The following ANKRD62 variants were observed in gnomAD, a reference collection of about 807,000 sequenced individuals.
The protein encoded by ANKRD62 is ankyrin repeat domain 62, also known as ankyrin repeat domain-containing protein 62.
A neutral mutation model predicts 98.8 loss-of-function variants in ANKRD62; 61 were observed. The observed-to-expected ratio is 0.62, with a 90% CI of 0.50 to 0.76. The LOEUF is 0.76. ANKRD62 is among the 30% of genes least tolerant of loss of function. The probability of loss-of-function intolerance (pLI) is 0.00; values close to 1 mark genes in which losing one functional copy is unlikely to be tolerated. For missense variants in ANKRD62, 933 were observed against 1,082.9 expected (o/e 0.86, Z 1.94); for synonymous variants, 341 against 367.9 (o/e 0.93, Z 0.84).
downstream of ANKRD62, among the ~76,000 whole-genome samples, chr18:12,133,227 A>G (rs1226436011): frequency 1.3e-5 from 2 of 152,162 alleles, no homozygotes; most frequent in Non-Finnish European, 1.5e-5. Context: ...AGGCTCATCT[A>G]TATCATACAG....
chr18:12,125,722 T>A lies in ANKRD62; in HGVS notation c.1901T>A (p.Met634Lys). 6.5e-7 allele frequency: 1 copy of A among 1,542,722 alleles called. No homozygotes were observed. Among genetic ancestry groups the A allele is most frequent in the Non-Finnish European group, 8.7e-7 (1 of 1,146,898 alleles). The change falls in exon 13 of 14, where the codon ATG (methionine) becomes AAG (lysine). Residue 634 changes from methionine to lysine, a missense_variant. Transcript: ENST00000587848. ...ELNVLMDENTMLNSELQKEKQ... is the reference protein window; with the variant it reads ...ELNVLMDENTKLNSELQKEKQ... ...AATGTTCTGATGGATGAGAATACAA[T>A]GCTCAATTCTGAGCTACAGAAGGAA...
At chr18:12,104,199 CAAAGT>C (rs1054776571) in intron 7 of ANKRD62, among the ~76,000 whole-genome samples, 4 of 152,024 alleles carry the variant, frequency 2.6e-5, no homozygotes, top group African/African-American at 9.7e-5. Flanking sequence ...CAGACACTGT[CAAAGT>C]AAAGTTTGAT....
In ANKRD62 at chr18:12,126,367, A is replaced by C; in HGVS notation, c.2546A>C (p.Glu849Ala). 2 of 1,507,234 alleles carry C rather than the reference A, an allele frequency of 1.3e-6. No individual in the cohort carries two copies. The highest frequency in any genetic ancestry group is 8.8e-7 in the Non-Finnish European group (1 of 1,136,422). 93.4% of individuals were successfully genotyped at this position (1,507,234 alleles called of 1,614,324 possible). The stretch of plus-strand genomic sequence containing the variant: ...GAAAGACAATGCCAATATGAAAAAG[A>C]GAAAGAAGAAAGAGAAGTAAGTATC... Reference protein sequence around the residue: ...LKERQCQYEKEKEEREVVRRQ... With the variant: ...LKERQCQYEKAKEEREVVRRQ... Residue 849 changes from glutamate to alanine, a missense_variant, in exon 13 of 14, where the codon GAG (glutamate) becomes GCG (alanine). Around this residue, in one of 3 missense-constraint regions of ANKRD62, gnomAD observed 362 missense variants for 434.5 expected, o/e 0.83. Transcript: ENST00000587848.
chr18:12,107,491 A>T, intron 8 of ANKRD62, 24 bp downstream of exon 8: 5 of 1,451,712 alleles, frequency 3.4e-6, no homozygotes, highest in Non-Finnish European at 3.6e-6. Context: ...GATAGTTAAC[A>T]GCGGATCACT....
intron 8 of ANKRD62, among the ~76,000 whole-genome samples, chr18:12,112,829 A>G (rs922384696): frequency 1.3e-5 from 2 of 152,242 alleles, no homozygotes; most frequent in Non-Finnish European, 2.9e-5. Context: ...AAGGTCTGAT[A>G]TCTAACATCT....
Position 12,122,328 on chromosome 18 carries a change from GA to G in ANKRD62, c.1268del (p.Asn423MetfsTer10). The G allele has an allele frequency of 6.5e-7, 1 of 1,534,964 alleles. No individual in the cohort carries two copies. The highest frequency in any genetic ancestry group is 8.7e-7 in the Non-Finnish European group (1 of 1,146,556). ...KDFVSLSKSK[N>X]ATAACGRSIE... is the part of the protein sequence containing the mutation. ...ATTTTGTTAGCCTATCGAAAAGCAA[GA>G]ATGCAACAGCTGCATGTGGAAGATC... On this transcript the variant is annotated frameshift_variant, in exon 11 of 14. Transcript: ENST00000587848. LOFTEE classifies it high-confidence loss of function.
chr18:12,114,872 T>C (rs1486234954), intron 8 of ANKRD62, among the ~76,000 whole-genome samples: 1 of 152,112 alleles, frequency 6.6e-6, no homozygotes, highest in Non-Finnish European at 1.5e-5. Context: ...TATTAATATA[T>C]TTCATTTGTC....
chr18:12,099,254 A>C (rs1350224277), intron 5 of ANKRD62, among the ~76,000 whole-genome samples: 2 of 152,208 alleles, frequency 1.3e-5, no homozygotes, highest in African/African-American at 2.4e-5. Context: ...TGGTTTCATT[A>C]AACATTTATA....
At chr18:12,139,243 T>G in the ANKRD62 span, among the ~76,000 whole-genome samples, 6 of 152,198 alleles carry the variant, frequency 3.9e-5, no homozygotes, top group African/African-American at 1.4e-4. Flanking sequence ...GGCCTGGTGG[T>G]GACAAAATCT....
intron 6 of ANKRD62, chr18:12,101,869 A>G: frequency 1.6e-6 from 1 of 625,198 alleles, no homozygotes; most frequent in Non-Finnish European, 2.9e-6. Flanking sequence ...TGTGATTAAG[A>G]GAAGAAGGCT....
chr18:12,168,322 G>A, the ANKRD62 span, among the ~76,000 whole-genome samples: 1 of 151,800 alleles, frequency 6.6e-6, no homozygotes, highest in East Asian at 1.9e-4. Context: ...TAAGGTGTAA[G>A]GAAGGGATCC....
the ANKRD62 span, among the ~76,000 whole-genome samples, chr18:12,156,099 T>C: frequency 6.8e-6 from 1 of 147,328 alleles, no homozygotes; most frequent in Non-Finnish European, 1.5e-5. Context: ...TCTCCCTCCC[T>C]TTCTCTCCTT....
chr18:12,133,327 C>T (rs115481137), downstream of ANKRD62, among the ~76,000 whole-genome samples: 846 of 152,154 alleles, frequency 5.6e-3, 4 homozygotes, highest in Non-Finnish European at 9.8e-3. Context: ...ATGGACATTT[C>T]GATTGTTTCC....
chr18:12,111,278 T>C (rs1328313046), intron 8 of ANKRD62, among the ~76,000 whole-genome samples: 1 of 151,732 alleles, frequency 6.6e-6, no homozygotes, highest in Non-Finnish European at 1.5e-5. Context: ...ATAAATGTAA[T>C]TAATCAAATA....
chr18:12,117,925 T>A (rs1239041765), intron 10 of ANKRD62, among the ~76,000 whole-genome samples: 1 of 152,184 alleles, frequency 6.6e-6, no homozygotes, highest in Non-Finnish European at 1.5e-5. Flanking sequence ...ATCAGACCAG[T>A]TTTATGTTCA....
rs1909848032 is a variant in ANKRD62 at position 12,124,499 on chromosome 18, C to G, written c.1638+179C>G. Among the ~76,000 whole-genome samples the G allele has an allele frequency of 2.0e-5, 3 of 151,998 alleles. No homozygotes were observed. The South Asian group carries it at 6.2e-4, about 32-fold the overall frequency. On this transcript the variant is annotated intron_variant, in intron 12 of 13. Transcript: ENST00000587848. ...TTGGCTTCAAAGTTATATTTTATTT[C>G]AGGTCAAAGACCTTTGGAAAACAAT...
chr18:12,163,882 T>A, the ANKRD62 span, among the ~76,000 whole-genome samples: 1 of 152,074 alleles, frequency 6.6e-6, no homozygotes, highest in African/African-American at 2.4e-5. Flanking sequence ...TCATGATGAA[T>A]GATTTTTTTA....
downstream of ANKRD62, among the ~76,000 whole-genome samples, chr18:12,133,840 ATTTTG>A (rs544864807): frequency 1.1e-3 from 173 of 152,176 alleles, no homozygotes; most frequent in African/African-American, 4.0e-3. Flanking sequence ...CTGTTTTAAA[ATTTTG>A]TTTTATCAGC....
At chr18:12,173,150 T>C in the ANKRD62 span, among the ~76,000 whole-genome samples, 1 of 152,162 alleles carries the variant, frequency 6.6e-6, no homozygotes, top group African/African-American at 2.4e-5. Flanking sequence ...GGTACCTCAG[T>C]TGGAAATGCA....
Sources: gnomAD v4.1 joint callset for allele counts (sites outside exome capture counted in the v4.1 genomes callset) on GRCh38, gnomAD v4.1.1 for gene constraint, gnomAD v4.1.1 regional missense constraint, MANE v1.5 for transcripts, NCBI Gene and HGNC (gene_info 2026-07-23, HGNC 2026-07-21) for gene names.